B3GALT1: variants seen among roughly 807,000 people sequenced by gnomAD.
The protein encoded by B3GALT1 is UDP-Gal:betaGlcNAc beta 1,3-galactosyltransferase, polypeptide 1.
B3GALT1 carries 10 observed loss-of-function variants against 23.2 expected under a neutral mutation model. The observed-to-expected ratio is 0.43, with a 90% CI of 0.27 to 0.73. The LOEUF is 0.73. Among genes scored for constraint, B3GALT1 ranks in the 30% least tolerant of loss-of-function variants. The probability of loss-of-function intolerance (pLI) is 0.21; values close to 1 mark genes in which losing one functional copy is unlikely to be tolerated. For synonymous variants in B3GALT1, 156 were observed against 141.5 expected, an observed-to-expected ratio of 1.10 and a Z score of -0.73; for missense variants, 299 against 405.4, an observed-to-expected ratio of 0.74 and a Z score of 2.25.
chr2:167,728,495 C>T (rs141391638), intron 3 of B3GALT1, among the ~76,000 whole-genome samples: 2 of 152,210 alleles, frequency 1.3e-5, no homozygotes, highest in East Asian at 3.9e-4. Flanking sequence ...ATGGCTATAC[C>T]ATTACAAATA....
At chr2:167,684,072 G>T (rs897774238) in intron 3 of B3GALT1, among the ~76,000 whole-genome samples, 4 of 152,128 alleles carry the variant, frequency 2.6e-5, no homozygotes, top group African/African-American at 9.7e-5. Flanking sequence ...GTCTTCCAGA[G>T]CCTGTCTCTA....
chr2:167,409,137 T>A (rs1358744381), intron 1 of B3GALT1, among the ~76,000 whole-genome samples: 1 of 152,206 alleles, frequency 6.6e-6, no homozygotes, highest in Non-Finnish European at 1.5e-5. Flanking sequence ...AATATAAAAC[T>A]GCTCTTTGTA....
chr2:167,834,200 A>G (rs1689410591), intron 4 of B3GALT1, among the ~76,000 whole-genome samples: 1 of 152,198 alleles, frequency 6.6e-6, no homozygotes, highest in Non-Finnish European at 1.5e-5. Flanking sequence ...TCAGATTAAA[A>G]GGAGCCTCCA....
In B3GALT1 at chr2:167,755,226, C is replaced by T. The variant is rs577399862; in HGVS notation, c.-351-63446C>T. Reference sequence around the variant, plus strand: ...TCCATAACATAGCTAAAGTAGGATACGGATTAAAATACCCAGATGAATGCT... The same window carrying T: ...TCCATAACATAGCTAAAGTAGGATATGGATTAAAATACCCAGATGAATGCT... On this transcript the variant is annotated intron_variant, in intron 3 of 4. Transcript: ENST00000392690. Among the ~76,000 whole-genome samples, 21 of 152,056 alleles carry T rather than the reference C, an allele frequency of 1.4e-4. 1 individual carries two copies. The highest frequency in any genetic ancestry group is 4.8e-4 in the African/African-American group (20 of 41,482).
At chr2:167,792,179 G>A (rs1311446420) in intron 3 of B3GALT1, among the ~76,000 whole-genome samples, 1 of 152,122 alleles carries the variant, frequency 6.6e-6, no homozygotes, top group Non-Finnish European at 1.5e-5. Context: ...AGAAAGCAGA[G>A]ATACTATATA....
intron 3 of B3GALT1, among the ~76,000 whole-genome samples, chr2:167,738,540 C>T (rs1300831127): frequency 6.6e-6 from 1 of 152,122 alleles, no homozygotes; most frequent in East Asian, 1.9e-4. Context: ...TAGAAGTCAC[C>T]ACAATGGAGT....
At chr2:167,435,599 T>C (rs1254666729) in intron 1 of B3GALT1, among the ~76,000 whole-genome samples, 1 of 152,110 alleles carries the variant, frequency 6.6e-6, no homozygotes, top group Non-Finnish European at 1.5e-5. Context: ...AGTCTTACTC[T>C]ACCTGGGCAA....
At chr2:167,464,585 T>C (rs1260168905) in intron 1 of B3GALT1, among the ~76,000 whole-genome samples, 1 of 152,116 alleles carries the variant, frequency 6.6e-6, no homozygotes, top group Non-Finnish European at 1.5e-5. Context: ...CACAAGATAG[T>C]GGTTATGATC....
At chr2:167,295,768 C>CGTGTGTGT (rs57375833) in intron 1 of B3GALT1, among the ~76,000 whole-genome samples, 10 of 143,448 alleles carry the variant, frequency 7.0e-5, no homozygotes, top group South Asian at 2.2e-4. Flanking sequence ...TGTGTGTGTA[C>CGTGTGTGT]GTGTGTGTGT....
At chr2:167,831,616 A>T (rs1489145239) in intron 4 of B3GALT1, among the ~76,000 whole-genome samples, 1 of 152,208 alleles carries the variant, frequency 6.6e-6, no homozygotes, top group Non-Finnish European at 1.5e-5. Flanking sequence ...AGATATGAAT[A>T]GAGGGAAAAA....
chr2:167,835,856 C>T (rs144797252), intron 4 of B3GALT1, among the ~76,000 whole-genome samples: 82 of 152,300 alleles, frequency 5.4e-4, no homozygotes, highest in African/African-American at 1.8e-3. Flanking sequence ...CAGACAGCAG[C>T]GTTCACGGTT....
At chr2:167,608,528 T>C (rs747890645) in intron 2 of B3GALT1, among the ~76,000 whole-genome samples, 22 of 151,574 alleles carry the variant, frequency 1.5e-4, no homozygotes, top group Non-Finnish European at 2.8e-4. Flanking sequence ...GTGTGTACTT[T>C]ATCTGTCAAT....
chr2:167,715,404 T>G, intron 3 of B3GALT1: 3 of 1,612,722 alleles, frequency 1.9e-6, no homozygotes, highest in Non-Finnish European at 2.5e-6. Flanking sequence ...TGTTTCTGGC[T>G]TTCCTGAAGT....
chr2:167,376,747 C>T (rs1489901053), intron 1 of B3GALT1, among the ~76,000 whole-genome samples: 1 of 151,884 alleles, frequency 6.6e-6, no homozygotes, highest in Non-Finnish European at 1.5e-5. Flanking sequence ...CTTTGTTAAC[C>T]TAGCTAGTGG....
At chr2:167,361,423 T>G (rs944224740) in intron 1 of B3GALT1, among the ~76,000 whole-genome samples, 1 of 152,114 alleles carries the variant, frequency 6.6e-6, no homozygotes, top group African/African-American at 2.4e-5. Context: ...GAAAAAAATG[T>G]TATTAAAGAA....
chr2:167,797,306 C>T (rs934531578), intron 3 of B3GALT1, among the ~76,000 whole-genome samples: 3 of 152,188 alleles, frequency 2.0e-5, no homozygotes, highest in Admixed American at 2.0e-4. Context: ...AGGACATGAA[C>T]TCATTCGTTT....
At chr2:167,538,172 G>A (rs990001458) in intron 2 of B3GALT1, among the ~76,000 whole-genome samples, 26 of 152,034 alleles carry the variant, frequency 1.7e-4, no homozygotes, top group Admixed American at 3.9e-4. Flanking sequence ...TTACTTTGTG[G>A]TGGCTTCCTC....
chr2:167,667,816 T>C (rs1434398837), intron 3 of B3GALT1, among the ~76,000 whole-genome samples: 1 of 152,226 alleles, frequency 6.6e-6, no homozygotes, highest in African/African-American at 2.4e-5. Flanking sequence ...TTTAAGCACT[T>C]CTCTGTATTG....
chr2:167,562,803 G>C (rs910875123), intron 2 of B3GALT1, among the ~76,000 whole-genome samples: 1 of 151,984 alleles, frequency 6.6e-6, no homozygotes, highest in Non-Finnish European at 1.5e-5. Context: ...GCGGCCTTCC[G>C]CAGTGTTTGT....
Sources: gnomAD v4.1 joint callset for allele counts (sites outside exome capture counted in the v4.1 genomes callset) on GRCh38, gnomAD v4.1.1 for gene constraint, MANE v1.5 for transcripts, NCBI Gene and HGNC (gene_info 2026-07-23, HGNC 2026-07-21) for gene names.